Variants in SLC24A2 observed in about 807,000 individuals in gnomAD.
SLC24A2 encodes sodium/potassium/calcium exchanger 2.
SLC24A2 carries 36 observed loss-of-function variants against 62.0 expected under a neutral mutation model. The observed-to-expected ratio is 0.58, with a 90% CI of 0.44 to 0.77. SLC24A2 has a LOEUF of 0.77. Ranked by LOEUF, SLC24A2 falls within the 30% of genes least tolerant of loss-of-function variation. The pLI, the probability that SLC24A2 is intolerant of heterozygous loss-of-function variation, is 0.00. For synonymous variants in SLC24A2, 358 were observed against 294.0 expected (o/e 1.22, Z -2.23); for missense variants, 846 against 817.9 (o/e 1.03, Z -0.42).
chr9:20,254,659 G>T, the SLC24A2 span, among the ~76,000 whole-genome samples: 3 of 152,270 alleles, frequency 2.0e-5, no homozygotes, highest in Admixed American at 2.0e-4. Flanking sequence ...CCACCACTTA[G>T]TGGCCCATGA....
chr9:20,012,069 C>T, the SLC24A2 span, among the ~76,000 whole-genome samples: 1 of 152,146 alleles, frequency 6.6e-6, no homozygotes, highest in Non-Finnish European at 1.5e-5. Flanking sequence ...TGTGACAAAC[C>T]TATGGCTAAC....
the SLC24A2 span, among the ~76,000 whole-genome samples, chr9:20,203,178 C>G: frequency 1.3e-5 from 2 of 151,712 alleles, no homozygotes; most frequent in African/African-American, 2.4e-5. Flanking sequence ...AGCTTAGTTA[C>G]CAAATCTAAG....
At chr9:19,561,573 T>G (rs1482665531) in intron 7 of SLC24A2, among the ~76,000 whole-genome samples, 3 of 151,650 alleles carry the variant, frequency 2.0e-5, no homozygotes, top group Non-Finnish European at 4.4e-5. Flanking sequence ...TAGCTGGGAC[T>G]ACAGGTGCGT....
chr9:19,665,286 GT>G (rs1378702661), intron 2 of SLC24A2, among the ~76,000 whole-genome samples: 3 of 152,184 alleles, frequency 2.0e-5, no homozygotes, highest in African/African-American at 7.2e-5. Context: ...ACTGGTGGCA[GT>G]GGAGATGAGA....
intron 2 of SLC24A2, among the ~76,000 whole-genome samples, chr9:19,724,590 C>G (rs1821117999): frequency 6.6e-6 from 1 of 152,124 alleles, no homozygotes; most frequent in African/African-American, 2.4e-5. Context: ...ATTTTACTTC[C>G]TTTTCAGTAA....
At position 19,512,477 on chromosome 9, in the gene SLC24A2, C is replaced by T. The variant is rs1011528338; in HGVS notation, c.*3676G>A. 6.6e-6 allele frequency: 1 copy of T among 152,240 alleles called. No individual in the cohort carries two copies. The highest frequency in any genetic ancestry group is 1.5e-5 in the Non-Finnish European group (1 of 68,062). 9.4% of individuals were successfully genotyped at this position (152,240 alleles called of 1,614,324 possible). ...ATCATTGCTCTGTCACTGCCTGACT[C>T]AGTTTAGGTCCTGGGAAGCTGCATA... On this transcript the variant is annotated 3_prime_UTR_variant, in exon 11 of 11. Coordinates refer to ENST00000341998, the MANE Select transcript of SLC24A2 (RefSeq NM_020344.4).
chr9:20,034,828 CA>C, the SLC24A2 span, among the ~76,000 whole-genome samples: 1 of 152,076 alleles, frequency 6.6e-6, no homozygotes, highest in Admixed American at 6.5e-5. Flanking sequence ...ACTGATTCCA[CA>C]ATTGTTGGTG....
chr9:19,903,427 A>G, the SLC24A2 span, among the ~76,000 whole-genome samples: 7 of 152,290 alleles, frequency 4.6e-5, 1 homozygote, highest in African/African-American at 1.7e-4. Flanking sequence ...ATTATCTCCC[A>G]AAGGCTTACC....
At chr9:20,203,581 C>T in the SLC24A2 span, among the ~76,000 whole-genome samples, 1 of 152,134 alleles carries the variant, frequency 6.6e-6, no homozygotes, top group South Asian at 2.1e-4. Context: ...CAGCGGCTCA[C>T]ACCTATAATC....
the SLC24A2 span, among the ~76,000 whole-genome samples, chr9:20,249,015 G>C: frequency 3.3e-5 from 5 of 152,300 alleles, no homozygotes; most frequent in African/African-American, 4.8e-5. Context: ...AGAGGCTCAG[G>C]CTGGCCAAAC....
the SLC24A2 span, among the ~76,000 whole-genome samples, chr9:20,202,461 G>C: frequency 1.3e-5 from 2 of 152,206 alleles, no homozygotes; most frequent in African/African-American, 4.8e-5. Flanking sequence ...TCTGGTTAAT[G>C]CCTGCCACCC....
the SLC24A2 span, among the ~76,000 whole-genome samples, chr9:20,063,439 C>A: frequency 7.5e-6 from 1 of 133,306 alleles, no homozygotes; most frequent in South Asian, 2.3e-4. Flanking sequence ...GGGAATTGAA[C>A]AATGAGAACA....
the SLC24A2 span, among the ~76,000 whole-genome samples, chr9:19,908,672 G>T: frequency 6.6e-6 from 1 of 152,078 alleles, no homozygotes; most frequent in Admixed American, 6.6e-5. Context: ...GTGGGCAAAG[G>T]ATATGAACAG....
intron 2 of SLC24A2, among the ~76,000 whole-genome samples, chr9:19,684,566 A>C (rs1819822688): frequency 6.6e-6 from 1 of 152,122 alleles, no homozygotes; most frequent in African/African-American, 2.4e-5. Flanking sequence ...AGTCTATCTG[A>C]CAGGCAAAGG....
the SLC24A2 span, among the ~76,000 whole-genome samples, chr9:19,831,236 A>T: frequency 6.6e-6 from 1 of 152,192 alleles, no homozygotes; most frequent in East Asian, 1.9e-4. Context: ...ACTGTAAGAA[A>T]TTCTGGTCAC....
In SLC24A2 at chr9:19,566,138, T is replaced by G. The variant is rs572694829; in HGVS notation, c.1347+7213A>C. ...ATGGAATCGAATTAAACTAAGGAGCTTCTGCACAGCAAAAGAAACTACCAT... is the reference window on the plus strand; with the variant it reads ...ATGGAATCGAATTAAACTAAGGAGCGTCTGCACAGCAAAAGAAACTACCAT... On this transcript the variant is annotated intron_variant, in intron 7 of 10. Transcript: ENST00000341998. 4.6e-5 allele frequency among the ~76,000 whole-genome samples: 7 copies of G among 152,072 alleles called. No homozygotes were observed. The South Asian group carries it at 1.0e-3, about 23-fold the overall frequency.
the SLC24A2 span, among the ~76,000 whole-genome samples, chr9:20,126,084 T>G: frequency 6.6e-6 from 1 of 152,176 alleles, no homozygotes; most frequent in Admixed American, 6.6e-5. Context: ...GTGTTTTTTT[T>G]GTGTGTGTAG....
chr9:20,076,775 T>A, the SLC24A2 span, among the ~76,000 whole-genome samples: 6 of 151,280 alleles, frequency 4.0e-5, no homozygotes, highest in African/African-American at 1.5e-4. Context: ...TGTTTCCGTA[T>A]CTTGACTATT....
the SLC24A2 span, among the ~76,000 whole-genome samples, chr9:20,272,590 C>G: frequency 6.6e-6 from 1 of 152,134 alleles, no homozygotes; most frequent in Non-Finnish European, 1.5e-5. Flanking sequence ...AACTGAGAAA[C>G]TAAAACTCCA....
Sources: gnomAD v4.1 joint callset for allele counts (sites outside exome capture counted in the v4.1 genomes callset) on GRCh38, gnomAD v4.1.1 for gene constraint, MANE v1.5 for transcripts, NCBI Gene and HGNC (gene_info 2026-07-23, HGNC 2026-07-21) for gene names.